BABAM2: variants seen among roughly 807,000 people sequenced by gnomAD.
The protein encoded by BABAM2 is BRISC and BRCA1 A complex member 2.
A neutral mutation model predicts 54.7 loss-of-function variants in BABAM2; 31 were observed. The ratio of observed to expected loss-of-function variants is 0.57; its 90% CI spans 0.43 to 0.77. The LOEUF is 0.77. BABAM2 is among the 30% of genes least tolerant of loss of function. BABAM2 has a pLI of 0.00. For missense variants in BABAM2, 364 were observed against 455.8 expected, an observed-to-expected ratio of 0.80 and a Z score of 1.83; for synonymous variants, 167 against 162.9, an observed-to-expected ratio of 1.03 and a Z score of -0.19.
At chr2:28,026,769 ATATATAAAAAAATATAAATATATATT>A (rs1675704819) in intron 5 of BABAM2, among the ~76,000 whole-genome samples, 1 of 112,302 alleles carries the variant, frequency 8.9e-6, no homozygotes, top group Admixed American at 1.2e-4. Flanking sequence ...ATCTATATAA[ATATATAAAAAAATATAAATATATATT>A]TATATAAAAA....
intron 7 of BABAM2, among the ~76,000 whole-genome samples, chr2:28,132,884 G>A (rs1053219172): frequency 3.3e-5 from 5 of 151,826 alleles, no homozygotes; most frequent in African/African-American, 7.3e-5. Context: ...TTTTAATGCC[G>A]TGCATAAATG....
intron 10 of BABAM2, among the ~76,000 whole-genome samples, chr2:28,280,667 G>A (rs545051197): frequency 6.6e-6 from 1 of 152,298 alleles, no homozygotes; most frequent in Non-Finnish European, 1.5e-5. Context: ...CCGTGCTGGT[G>A]CCTACTCAGG....
chr2:27,906,441 A>G (rs1221740961), intron 2 of BABAM2, among the ~76,000 whole-genome samples: 2 of 152,232 alleles, frequency 1.3e-5, no homozygotes, highest in African/African-American at 2.4e-5. Flanking sequence ...TAAACAGTTT[A>G]TGAGCCTTTT....
At position 28,026,741 on chromosome 2, in the gene BABAM2, A is replaced by G. The variant is rs1675694745; in HGVS notation, c.495+1321A>G. 2.2e-5 allele frequency among the ~76,000 whole-genome samples: 2 copies of G among 89,570 alleles called. 1 individual carries two copies. Among genetic ancestry groups the G allele is most frequent in the South Asian group, 7.9e-4 (2 of 2,528 alleles). 58.8% of individuals were successfully genotyped at this position (89,570 alleles called of 152,430 possible). ...CAACTTAAATTTTATATAAATATAT[A>G]TTTATATATAAATATATATCTATAT... On this transcript the variant is annotated intron_variant, in intron 5 of 11. Transcript: ENST00000379624.
At chr2:28,186,187 AATTTTTTTCT>A (rs1186780301) in intron 7 of BABAM2, among the ~76,000 whole-genome samples, 4 of 152,212 alleles carry the variant, frequency 2.6e-5, no homozygotes, top group Admixed American at 1.3e-4. Flanking sequence ...TGATGTGGTA[AATTTTTTTCT>A]AATGTATTTA....
At chr2:28,338,264 T>C (rs1419051389) in intron 11 of BABAM2, among the ~76,000 whole-genome samples, 186 bp from the exon 12 acceptor site, 1 of 152,224 alleles carries the variant, frequency 6.6e-6, no homozygotes, top group Non-Finnish European at 1.5e-5. Flanking sequence ...GTCACAGTAG[T>C]GAACTGCATG....
intron 2 of BABAM2, among the ~76,000 whole-genome samples, chr2:27,899,153 G>T (rs895091823): frequency 2.6e-5 from 4 of 152,076 alleles, no homozygotes; most frequent in African/African-American, 9.7e-5. Flanking sequence ...AATGTTCATT[G>T]ACCTGAATAT....
intron 5 of BABAM2, among the ~76,000 whole-genome samples, chr2:28,044,138 G>A (rs1677361936): frequency 6.6e-6 from 1 of 152,112 alleles, no homozygotes; most frequent in African/African-American, 2.4e-5. Context: ...CAACATTTAG[G>A]CAGATATTAG....
At chr2:28,281,938 G>C (rs1357806082) in intron 10 of BABAM2, among the ~76,000 whole-genome samples, 1 of 152,212 alleles carries the variant, frequency 6.6e-6, no homozygotes, top group African/African-American at 2.4e-5. Flanking sequence ...AGGATATGGA[G>C]ATTTTGAAGG....
chr2:28,128,308 T>C (rs1669750038), intron 6 of BABAM2, among the ~76,000 whole-genome samples: 1 of 152,224 alleles, frequency 6.6e-6, no homozygotes, highest in Admixed American at 6.5e-5. Context: ...TATATTTGAC[T>C]TGGAGCCACT....
At chr2:28,003,086 A>T (rs1320546564) in intron 4 of BABAM2, among the ~76,000 whole-genome samples, 1 of 152,236 alleles carries the variant, frequency 6.6e-6, no homozygotes, top group Non-Finnish European at 1.5e-5. Context: ...AATATACTTC[A>T]TGTAGGCAAA....
intron 10 of BABAM2, among the ~76,000 whole-genome samples, chr2:28,267,899 T>A (rs1685117786): frequency 6.6e-6 from 1 of 152,216 alleles, no homozygotes; most frequent in African/African-American, 2.4e-5. Context: ...CTAGTTGTAG[T>A]TGAAACTAGA....
chr2:27,987,629 A>G (rs1250213591), intron 3 of BABAM2, among the ~76,000 whole-genome samples: 3 of 152,004 alleles, frequency 2.0e-5, no homozygotes, highest in Non-Finnish European at 4.4e-5. Flanking sequence ...AGCCTGCACA[A>G]CATGGCGAAA....
intron 3 of BABAM2, among the ~76,000 whole-genome samples, chr2:27,973,646 CG>C (rs1221037638): frequency 6.6e-6 from 1 of 151,952 alleles, no homozygotes; most frequent in Non-Finnish European, 1.5e-5. Context: ...AGGCAGAGTA[CG>C]GGGGAAATCA....
intron 7 of BABAM2, among the ~76,000 whole-genome samples, chr2:28,224,638 G>T (rs1680708845): frequency 6.6e-6 from 1 of 152,024 alleles, no homozygotes. Context: ...TGAACGTTTG[G>T]CCCATTTACC....
rs79648233 is a variant in BABAM2, at chr2:28,263,072, C to T, written c.934+18210C>T. On this transcript the variant is annotated intron_variant, in intron 10 of 11. Coordinates refer to ENST00000379624, the MANE Select transcript of BABAM2 (RefSeq NM_199191.3). ...AGATGAAAGGTGAAGCAATTTATCT[C>T]TCGAAAGAAAAAATATGGTATGATT... 4.8e-5 allele frequency among the ~76,000 whole-genome samples: 7 copies of T among 146,054 alleles called. No individual in the cohort carries two copies. In the East Asian group the frequency reaches 1.4e-3, roughly 29 times the overall value.
At chr2:28,118,703 T>A (rs1573617955) in intron 6 of BABAM2, among the ~76,000 whole-genome samples, 1 of 151,932 alleles carries the variant, frequency 6.6e-6, no homozygotes, top group East Asian at 1.9e-4. Flanking sequence ...TTTCTTTTGC[T>A]GTGTAGAAGC....
intron 10 of BABAM2, among the ~76,000 whole-genome samples, chr2:28,256,926 C>G (rs929836979): frequency 1.3e-5 from 2 of 152,046 alleles, no homozygotes; most frequent in Non-Finnish European, 2.9e-5. Flanking sequence ...AAATCCTGAC[C>G]TCAGGTGATC....
At chr2:28,049,319 A>G (rs1677828802) in intron 6 of BABAM2, among the ~76,000 whole-genome samples, 1 of 152,240 alleles carries the variant, frequency 6.6e-6, no homozygotes, top group African/African-American at 2.4e-5. Context: ...GGATATGGCA[A>G]ATATAACCGT....
Sources: gnomAD v4.1 joint callset for allele counts (sites outside exome capture counted in the v4.1 genomes callset) on GRCh38, gnomAD v4.1.1 for gene constraint, MANE v1.5 for transcripts, NCBI Gene and HGNC (gene_info 2026-07-23, HGNC 2026-07-21) for gene names.